The following AKAP7 variants were observed in gnomAD, a reference collection of about 807,000 sequenced individuals.
AKAP7 encodes A kinase (PRKA) anchor protein 7.
A neutral mutation model predicts 39.5 loss-of-function variants in AKAP7; 39 were observed. That is an observed-to-expected ratio of 0.99 (90% confidence interval 0.76 to 1.29). AKAP7 has a LOEUF of 1.29. Among genes scored for constraint, AKAP7 ranks in the 50% most tolerant of loss-of-function variants. The pLI is 0.00. For synonymous variants in AKAP7, 140 were observed against 139.1 expected, an observed-to-expected ratio of 1.01 and a Z score of -0.05; for missense variants, 414 against 407.7, an observed-to-expected ratio of 1.02 and a Z score of -0.13.
chr6:131,147,119 C>T lies in AKAP7; in HGVS notation c.151+1703C>T, dbSNP rs1173496494. On this transcript the variant is annotated intron_variant, in intron 2 of 7. Transcript: ENST00000431975. ...GCTTGGAGGATGAGTATGAACTATT[C>T]AGTGCTCTTGAAATTATCTGACCAT... is the stretch of plus-strand genomic sequence containing the variant. Among the ~76,000 whole-genome samples the T allele has an allele frequency of 5.3e-5, 8 of 152,208 alleles. No individual in the cohort carries two copies. In the South Asian group the frequency reaches 1.2e-3, roughly 24 times the overall value.
chr6:131,238,740 T>C (rs1337689324), intron 7 of AKAP7, among the ~76,000 whole-genome samples: 1 of 152,234 alleles, frequency 6.6e-6, no homozygotes. Context: ...CCCTGCCTTT[T>C]TTTGTTTTCC....
In AKAP7 at chr6:131,169,170, A is replaced by G. The variant is rs772732667; in HGVS notation, c.486A>G (p.Lys162=). Residue 162 remains lysine, a synonymous_variant, in exon 5 of 8, where the codon AAA becomes AAG. Coordinates refer to ENST00000431975, the MANE Select transcript of AKAP7 (RefSeq NM_016377.4). The part of the protein sequence containing the change: ...KPFIEELLQG[K]HLTLPFQGIG... ...TCATAGAAGAACTCCTCCAGGGAAA[A>G]CATTTGACTTTGCCCTTTCAAGGGA... is the stretch of plus-strand genomic sequence containing the variant. 2.5e-6 allele frequency: 4 copies of G among 1,613,952 alleles called. No homozygotes were observed. In the East Asian group the frequency reaches 8.9e-5, roughly 36 times the overall value.
At chr6:131,209,042 G>A (rs1384784599) in intron 6 of AKAP7, among the ~76,000 whole-genome samples, 3 of 152,214 alleles carry the variant, frequency 2.0e-5, no homozygotes, top group Non-Finnish European at 4.4e-5. Flanking sequence ...ATTTTGAACA[G>A]TTGTATAGTC....
chr6:131,255,296 A>G (rs1812753329), intron 7 of AKAP7, among the ~76,000 whole-genome samples: 1 of 152,196 alleles, frequency 6.6e-6, no homozygotes, highest in South Asian at 2.1e-4. Context: ...GAAGGGAATG[A>G]TACACATTTC....
At chr6:131,164,253 C>G in intron 3 of AKAP7, 1 of 411,000 alleles carries the variant, frequency 2.4e-6, no homozygotes. Flanking sequence ...CTTCTCTGTG[C>G]TCTCTTTTCT....
At chr6:131,263,919 A>G (rs934534281) in intron 7 of AKAP7, among the ~76,000 whole-genome samples, 12 of 151,928 alleles carry the variant, frequency 7.9e-5, no homozygotes, top group Admixed American at 7.2e-4. Flanking sequence ...ATCTCCTTTC[A>G]CTCTGAATTT....
At chr6:131,131,875 T>A (rs1800336591), upstream of AKAP7, among the ~76,000 whole-genome samples, 1 of 152,136 alleles carries the variant, frequency 6.6e-6, no homozygotes, top group Non-Finnish European at 1.5e-5. Flanking sequence ...GGAAACAAAC[T>A]CTATTTAATA....
At chr6:131,225,338 A>G (rs1247502648) in intron 7 of AKAP7, among the ~76,000 whole-genome samples, 1 of 152,130 alleles carries the variant, frequency 6.6e-6, no homozygotes, top group Non-Finnish European at 1.5e-5. Context: ...CTGGTCCCAC[A>G]GGGTACATTG....
upstream of AKAP7, among the ~76,000 whole-genome samples, chr6:131,133,673 A>G (rs1800377266): frequency 6.6e-6 from 1 of 152,228 alleles, no homozygotes; most frequent in Non-Finnish European, 1.5e-5. Flanking sequence ...TCTCCTGCCC[A>G]TTTAGTTCAC....
At chr6:131,228,442 T>G (rs192354366) in intron 7 of AKAP7, among the ~76,000 whole-genome samples, 6 of 152,362 alleles carry the variant, frequency 3.9e-5, no homozygotes, top group Middle Eastern at 3.4e-3. Context: ...AATATGTGCC[T>G]CATTGTGCTT....
intron 7 of AKAP7, among the ~76,000 whole-genome samples, chr6:131,263,391 C>T (rs953534890): frequency 1.3e-5 from 2 of 152,162 alleles, no homozygotes; most frequent in Non-Finnish European, 2.9e-5. Context: ...AACACCCTTA[C>T]TGCTTGACAT....
chr6:131,199,309 C>T, intron 5 of AKAP7, 152 bp from the exon 6 acceptor site: 1 of 579,250 alleles, frequency 1.7e-6, no homozygotes, highest in African/African-American at 1.9e-5. Flanking sequence ...TAGATTTTTT[C>T]TCTCTTTTAA....
At chr6:131,190,354 G>A (rs1046604280) in intron 5 of AKAP7, among the ~76,000 whole-genome samples, 4 of 152,070 alleles carry the variant, frequency 2.6e-5, no homozygotes, top group African/African-American at 7.2e-5. Flanking sequence ...ATTGAAAAGT[G>A]TTGGCTGGGC....
chr6:131,270,670 T>TA lies in AKAP7; in HGVS notation c.851-10859dup, dbSNP rs2128334397. ...TAAACTGTTTTTACCAAGTGGCTAT[T>TA]ACCATTTTTGCATTCCCACCAGCAA... is the stretch of plus-strand genomic sequence containing the variant. On this transcript the variant is annotated intron_variant, in intron 7 of 7. Coordinates refer to ENST00000431975, the MANE Select transcript of AKAP7 (RefSeq NM_016377.4). 1.3e-5 allele frequency among the ~76,000 whole-genome samples: 2 copies of TA among 152,326 alleles called. 1 individual carries two copies. Among genetic ancestry groups the TA allele is most frequent in the South Asian group, 4.1e-4 (2 of 4,828 alleles).
At chr6:131,279,303 T>C (rs1815010503) in intron 7 of AKAP7, among the ~76,000 whole-genome samples, 1 of 152,132 alleles carries the variant, frequency 6.6e-6, no homozygotes, top group South Asian at 2.1e-4. Context: ...ACAGTCTCAC[T>C]CTGTCACCAG....
At position 131,219,651 on chromosome 6, in the gene AKAP7, T is replaced by G. The variant is rs530547185; in HGVS notation, c.703-10T>G. 240 of 1,586,410 alleles carry G rather than the reference T, an allele frequency of 1.5e-4. 3 individuals are homozygous for G. The East Asian group carries it at 5.3e-3, about 35-fold the overall frequency. ...ATGATTGATTGATTGATTTGTTTTT[T>G]CATTTCAAGGGAGTGAAAAAAATAG... is the stretch of plus-strand genomic sequence containing the variant. On this transcript the variant is annotated splice_polypyrimidine_tract_variant and intron_variant, in intron 6 of 7. Coordinates refer to ENST00000431975, the MANE Select transcript of AKAP7 (RefSeq NM_016377.4).
intron 6 of AKAP7, among the ~76,000 whole-genome samples, chr6:131,208,158 G>A (rs1808308059): frequency 1.3e-5 from 2 of 152,050 alleles, no homozygotes; most frequent in South Asian, 4.1e-4. Flanking sequence ...CATCTACTGT[G>A]TGTTAAAGAG....
In AKAP7 at chr6:131,170,153, G is replaced by C. The variant is rs140598458; in HGVS notation, c.589+880G>C. The stretch of plus-strand genomic sequence containing the variant: ...CACACTCTGGGGACTGTTGTGGGGT[G>C]GGGGGAGGGGGGAGGGATAGCATTG... On this transcript the variant is annotated intron_variant, in intron 5 of 7. Coordinates refer to ENST00000431975, the MANE Select transcript of AKAP7 (RefSeq NM_016377.4). 9.9e-3 allele frequency among the ~76,000 whole-genome samples: 1,208 copies of C among 121,490 alleles called. 62 individuals are homozygous for C. In the East Asian group the frequency reaches 0.16, roughly 16 times the overall value. The allele number at this position is 121,490 out of a possible 152,430, so 79.7% of individuals were successfully genotyped here.
chr6:131,178,243 C>A (rs1259878113), intron 5 of AKAP7, among the ~76,000 whole-genome samples: 1 of 152,188 alleles, frequency 6.6e-6, no homozygotes, highest in Non-Finnish European at 1.5e-5. Context: ...AGCCTGTTAC[C>A]AGCTGAGTGG....
Sources: gnomAD v4.1 joint callset for allele counts (sites outside exome capture counted in the v4.1 genomes callset) on GRCh38, gnomAD v4.1.1 for gene constraint, MANE v1.5 for transcripts, NCBI Gene and HGNC (gene_info 2026-07-23, HGNC 2026-07-21) for gene names.